GABARAPL2: variants seen among roughly 807,000 people sequenced by gnomAD.
The protein encoded by GABARAPL2 is gamma-aminobutyric acid receptor-associated protein-like 2.
A neutral mutation model predicts 16.9 loss-of-function variants in GABARAPL2; 11 were observed. The observed-to-expected ratio is 0.65, with a 90% CI of 0.41 to 1.08. The LOEUF (loss-of-function observed/expected upper bound fraction) is 1.08, where lower values mean the gene tolerates loss of function less well. Among genes scored for constraint, GABARAPL2 ranks in the 50% least tolerant of loss-of-function variants. The pLI, the probability that GABARAPL2 is intolerant of heterozygous loss-of-function variation, is 0.00. For missense variants in GABARAPL2, 134 were observed against 142.5 expected (o/e 0.94, Z 0.30); for synonymous variants, 57 against 50.7 (o/e 1.12, Z -0.53).
At chr16:75,569,180 T>C (rs1335210282) in intron 3 of GABARAPL2, among the ~76,000 whole-genome samples, 2 of 152,224 alleles carry the variant, frequency 1.3e-5, no homozygotes, top group Non-Finnish European at 2.9e-5. Context: ...CCAGACCTTA[T>C]TTCTGTTAAA....
rs1555506030 is a variant in GABARAPL2, at chr16:75,566,390, T to TCGCTGCCGCCGTCGCTGC, written c.-88_-87insCGTCGCTGCCGCTGCCGC. On this transcript the variant is annotated 5_prime_UTR_variant, in exon 1 of 4. Transcript: ENST00000037243. Reference sequence around the variant, plus strand: ...CCCGCCTGCCGTGTAGTCGCCGCCGTCGCTGCCGCTGCCGCTGCCGCCGTC... The same window carrying TCGCTGCCGCCGTCGCTGC: ...CCCGCCTGCCGTGTAGTCGCCGCCGTCGCTGCCGCCGTCGCTGCCGCTGCCGCTGCCGCTGCCGCCGTC... 10 of 920,036 alleles carry TCGCTGCCGCCGTCGCTGC rather than the reference T, an allele frequency of 1.1e-5. No homozygotes were observed. In the African/African-American group the frequency reaches 1.7e-4, roughly 16 times the overall value. The allele number at this position is 920,036 out of a possible 1,614,324, so 57.0% of individuals were successfully genotyped here.
At chr16:75,569,823 T>C (rs559135403) in intron 3 of GABARAPL2, among the ~76,000 whole-genome samples, 1 of 152,182 alleles carries the variant, frequency 6.6e-6, no homozygotes, top group East Asian at 1.9e-4. Flanking sequence ...AAATGAAAAA[T>C]GATTTTTCAG....
intron 3 of GABARAPL2, chr16:75,577,060 A>T (rs2080953806): frequency 2.2e-6 from 1 of 460,996 alleles, no homozygotes; most frequent in Admixed American, 3.6e-5. Flanking sequence ...GGCTGCTTTA[A>T]AGGATTTACT....
intron 3 of GABARAPL2, among the ~76,000 whole-genome samples, chr16:75,574,613 C>T (rs1177383763): frequency 5.9e-5 from 9 of 152,050 alleles, no homozygotes; most frequent in Admixed American, 5.9e-4. Context: ...ATGTTCAAGC[C>T]CTTCTGCTAG....
intron 3 of GABARAPL2, among the ~76,000 whole-genome samples, chr16:75,570,184 C>T (rs1460779122): frequency 1.3e-5 from 2 of 152,114 alleles, no homozygotes; most frequent in African/African-American, 4.8e-5. Context: ...CAATCTCTGC[C>T]TCCTAGGTTC....
intron 2 of GABARAPL2, among the ~76,000 whole-genome samples, chr16:75,567,471 A>G (rs2080891127): frequency 6.6e-6 from 1 of 152,200 alleles, no homozygotes; most frequent in Non-Finnish European, 1.5e-5. Context: ...ATCGTTATTA[A>G]TTTTTAATGG....
At chr16:75,569,031 C>T (rs1490700055) in intron 3 of GABARAPL2, among the ~76,000 whole-genome samples, 4 of 152,160 alleles carry the variant, frequency 2.6e-5, no homozygotes, top group Admixed American at 2.6e-4. Context: ...GTGACCCAAT[C>T]TAGGTTTCAT....
rs201919472 is a variant in GABARAPL2 at position 75,566,825 on chromosome 16, C to T, written c.35-27C>T. Reference sequence around the variant, plus strand: ...GAACCGACCGGTGGGCAGGCGCGGCCGTCAGCCCCGTTTGTTTCTCCCACA... The same window carrying T: ...GAACCGACCGGTGGGCAGGCGCGGCTGTCAGCCCCGTTTGTTTCTCCCACA... On this transcript the variant is annotated intron_variant, in intron 1 of 3. Coordinates refer to ENST00000037243, the MANE Select transcript of GABARAPL2 (RefSeq NM_007285.7). 1.1e-5 allele frequency: 18 copies of T among 1,607,870 alleles called. No individual in the cohort carries two copies. The African/African-American group carries it at 1.3e-4, about 12-fold the overall frequency.
chr16:75,570,734 A>G (rs568961500), intron 3 of GABARAPL2, among the ~76,000 whole-genome samples: 68 of 152,330 alleles, frequency 4.5e-4, no homozygotes, highest in Non-Finnish European at 6.9e-4. Flanking sequence ...GACAGAGGCA[A>G]GTCCCTAAGT....
chr16:75,566,974 A>T, intron 2 of GABARAPL2, 67 bp downstream of exon 2: 4 of 1,309,498 alleles, frequency 3.1e-6, no homozygotes, highest in Non-Finnish European at 4.4e-6. Context: ...GATAGGCCCC[A>T]GGCCATTCAA....
chr16:75,569,460 T>A (rs2080902591), intron 3 of GABARAPL2, among the ~76,000 whole-genome samples: 1 of 152,224 alleles, frequency 6.6e-6, no homozygotes, highest in African/African-American at 2.4e-5. Context: ...GGGCTGTGTC[T>A]TCACCAGGGG....
chr16:75,566,640 C>T (rs2080884752), intron 1 of GABARAPL2, 120 bp downstream of exon 1: 1 of 1,172,142 alleles, frequency 8.5e-7, no homozygotes, highest in East Asian at 2.5e-5. Context: ...GGGCTGGAGT[C>T]GCCCATGCCC....
intron 2 of GABARAPL2, among the ~76,000 whole-genome samples, chr16:75,567,527 C>T (rs1054286795): frequency 1.3e-5 from 2 of 151,624 alleles, no homozygotes; most frequent in Non-Finnish European, 3.0e-5. Flanking sequence ...AATAATTTGT[C>T]TGGGGAAAGG....
chr16:75,566,951 G>C lies in GABARAPL2; in HGVS notation c.90+44G>C, dbSNP rs150359361. 984 of 1,507,400 alleles carry C rather than the reference G, an allele frequency of 6.5e-4. 2 individuals carry two copies. The African/African-American group carries it at 0.012, about 19-fold the overall frequency. 93.4% of individuals were successfully genotyped at this position (1,507,400 alleles called of 1,614,324 possible). A position where few individuals can be genotyped will look rare whatever the true frequency, so the allele number is the denominator to read the frequency against. ...CCCTCACCTCGCTGTCACCTCTGTCGTCTGGGACCCGTGATAGGCCCCAGG... is the reference window on the plus strand; with the variant it reads ...CCCTCACCTCGCTGTCACCTCTGTCCTCTGGGACCCGTGATAGGCCCCAGG... On this transcript the variant is annotated intron_variant, in intron 2 of 3. Coordinates refer to ENST00000037243, the MANE Select transcript of GABARAPL2 (RefSeq NM_007285.7).
intron 3 of GABARAPL2, among the ~76,000 whole-genome samples, chr16:75,569,869 A>G (rs181028825): frequency 6.6e-6 from 1 of 152,296 alleles, no homozygotes; most frequent in Admixed American, 6.5e-5. Flanking sequence ...TTTCTCTCCA[A>G]GTCCCATTTG....
At chr16:75,571,634 TG>T (rs1567445459) in intron 3 of GABARAPL2, among the ~76,000 whole-genome samples, 1 of 152,076 alleles carries the variant, frequency 6.6e-6, no homozygotes, top group African/African-American at 2.4e-5. Context: ...TAAAGCACTT[TG>T]ATCATTTCTG....
intron 2 of GABARAPL2, 91 bp downstream of exon 2, chr16:75,566,998 G>C: frequency 8.8e-7 from 1 of 1,132,088 alleles, no homozygotes; most frequent in Non-Finnish European, 1.3e-6. Flanking sequence ...TTGACAAGTT[G>C]AGGTTCCAGT....
chr16:75,568,005 AAC>A (rs1401905559), intron 2 of GABARAPL2, 30 bp from the exon 3 acceptor site: 7 of 1,554,928 alleles, frequency 4.5e-6, no homozygotes, highest in Non-Finnish European at 6.2e-6. Context: ...CGCTTTAGGA[AAC>A]ACAGTCCTGA....
chr16:75,571,704 CAT>C (rs1242585116), intron 3 of GABARAPL2, among the ~76,000 whole-genome samples: 1 of 149,802 alleles, frequency 6.7e-6, no homozygotes. Context: ...GAGTTTCACT[CAT>C]GTCGCCCAGG....
Sources: gnomAD v4.1 joint callset for allele counts (sites outside exome capture counted in the v4.1 genomes callset) on GRCh38, gnomAD v4.1.1 for gene constraint, MANE v1.5 for transcripts, NCBI Gene and HGNC (gene_info 2026-07-23, HGNC 2026-07-21) for gene names.